ESR1: variants seen among roughly 807,000 people sequenced by gnomAD.
ESR1 encodes the protein estrogen receptor.
In ESR1, 12 loss-of-function variants were observed where a neutral mutation model predicts 52.7. The ratio of observed to expected loss-of-function variants is 0.23; its 90% CI spans 0.15 to 0.37. The LOEUF (loss-of-function observed/expected upper bound fraction) is 0.37, where lower values mean the gene tolerates loss of function less well. ESR1 is among the 10% of genes least tolerant of loss of function. The probability of loss-of-function intolerance (pLI) is 1.00; values close to 1 mark genes in which losing one functional copy is unlikely to be tolerated. For missense variants in ESR1, 584 were observed against 779.7 expected (o/e 0.75, Z 2.99); for synonymous variants, 305 against 316.8 (o/e 0.96, Z 0.39).
intron 1 of ESR1, among the ~76,000 whole-genome samples, chr6:151,840,415 T>C (rs770716397): frequency 9.2e-5 from 14 of 152,150 alleles, no homozygotes; most frequent in South Asian, 2.1e-4. Flanking sequence ...CATTAAAAAA[T>C]AAAGAATTCC....
At position 152,101,405 on chromosome 6, in the gene ESR1, A is replaced by G. The variant is rs141326420; in HGVS notation, c.*2439A>G. The G allele has an allele frequency of 1.3e-5, 3 of 233,076 alleles. No homozygotes were observed. The highest frequency in any genetic ancestry group is 2.5e-5 in the Non-Finnish European group (3 of 117,728). 14.4% of individuals were successfully genotyped at this position (233,076 alleles called of 1,614,324 possible). The stretch of plus-strand genomic sequence containing the variant: ...AAAAAAAAATTTCTAGGACTAGACG[A>G]TGTAATACCAGCTAAAGCCAAACAA... On this transcript the variant is annotated 3_prime_UTR_variant, in exon 8 of 8. Transcript: ENST00000206249.
intron 1 of ESR1, among the ~76,000 whole-genome samples, chr6:151,815,831 TCTC>T (rs1371755989): frequency 6.6e-6 from 1 of 152,208 alleles, no homozygotes; most frequent in African/African-American, 2.4e-5. Flanking sequence ...AAGGCTCACT[TCTC>T]CTTGCAGCCC....
In ESR1 at chr6:151,837,164, G is replaced by A. The variant is rs961617006; in HGVS notation, c.453-5433G>A. Among the ~76,000 whole-genome samples, 24 of 139,004 alleles carry A rather than the reference G, an allele frequency of 1.7e-4. 1 individual carries two copies. The highest frequency in any genetic ancestry group is 9.1e-4 in the Admixed American group (12 of 13,126). 91.2% of individuals were successfully genotyped at this position (139,004 alleles called of 152,430 possible). On this transcript the variant is annotated intron_variant, in intron 1 of 7. Transcript: ENST00000206249. ...CACCCAGGCTGGAGTGCACTGGCAC[G>A]ATCTAGGCTCACTGCAACCTCTGCC... is the stretch of plus-strand genomic sequence containing the variant.
intron 4 of ESR1, among the ~76,000 whole-genome samples, chr6:151,952,803 G>A (rs1000329623): frequency 4.6e-5 from 7 of 152,142 alleles, no homozygotes; most frequent in African/African-American, 1.4e-4. Flanking sequence ...AGAAGACTTT[G>A]CAAATGAGAA....
intron 2 of ESR1, among the ~76,000 whole-genome samples, chr6:151,796,907 C>A (rs1364974936): frequency 1.3e-5 from 2 of 152,214 alleles, no homozygotes; most frequent in African/African-American, 2.4e-5. Flanking sequence ...AGAGGCCGAG[C>A]CAATCTAGTT....
upstream of ESR1, among the ~76,000 whole-genome samples, chr6:151,686,502 G>C (rs549808753): frequency 1.3e-5 from 2 of 152,270 alleles, no homozygotes; most frequent in Non-Finnish European, 2.9e-5. Context: ...CGGCTAACAT[G>C]GTGAAACCCC....
chr6:151,669,394 G>A (rs1777970635), intron 1 of ESR1, among the ~76,000 whole-genome samples: 1 of 151,978 alleles, frequency 6.6e-6, no homozygotes, highest in Non-Finnish European at 1.5e-5. Flanking sequence ...GGAAGGTGGA[G>A]GAGTAAAGGA....
chr6:152,112,036 A>C (rs1397628101), intron 6 of ESR1, among the ~76,000 whole-genome samples: 1 of 152,258 alleles, frequency 6.6e-6, no homozygotes, highest in Non-Finnish European at 1.5e-5. Context: ...AAAGAAAAAC[A>C]TTAAGTGGGT....
intron 5 of ESR1, among the ~76,000 whole-genome samples, chr6:152,031,451 G>C (rs1049291868): frequency 2.4e-4 from 36 of 152,082 alleles, no homozygotes; most frequent in African/African-American, 8.5e-4. Flanking sequence ...AAATGATAAA[G>C]GGGATATCAC....
intron 6 of ESR1, among the ~76,000 whole-genome samples, chr6:152,089,466 T>C (rs1283262631): frequency 6.6e-6 from 1 of 152,250 alleles, no homozygotes; most frequent in East Asian, 1.9e-4. Context: ...TTGCATAAAG[T>C]GAATAAGCTA....
At chr6:151,897,090 G>A (rs574219402) in intron 3 of ESR1, among the ~76,000 whole-genome samples, 1 of 152,116 alleles carries the variant, frequency 6.6e-6, no homozygotes, top group African/African-American at 2.4e-5. Flanking sequence ...ACACTTGTTT[G>A]TGGCATATCA....
intron 2 of ESR1, among the ~76,000 whole-genome samples, chr6:151,772,294 C>T (rs539542479): frequency 6.6e-6 from 1 of 152,288 alleles, no homozygotes. Context: ...AAGAGTGGCC[C>T]TTCCAACATA....
intron 5 of ESR1, among the ~76,000 whole-genome samples, chr6:152,035,048 T>A (rs1292179422): frequency 2.6e-5 from 4 of 152,218 alleles, no homozygotes; most frequent in Non-Finnish European, 4.4e-5. Context: ...GCCTGTGAGA[T>A]TACATGCCCT....
intron 2 of ESR1, among the ~76,000 whole-genome samples, chr6:151,788,914 G>T (rs1787266183): frequency 6.6e-6 from 1 of 152,148 alleles, no homozygotes; most frequent in Non-Finnish European, 1.5e-5. Flanking sequence ...AGAATTCATG[G>T]ACACATAGAG....
chr6:151,669,525 G>A (rs142707130), intron 1 of ESR1, among the ~76,000 whole-genome samples: 179 of 152,258 alleles, frequency 1.2e-3, no homozygotes, highest in African/African-American at 4.2e-3. Context: ...TATCAAGTCC[G>A]AACCAAGGGT....
At chr6:151,964,930 C>T (rs1481074912) in intron 4 of ESR1, among the ~76,000 whole-genome samples, 2 of 152,202 alleles carry the variant, frequency 1.3e-5, no homozygotes, top group African/African-American at 4.8e-5. Context: ...GCATGAGCCA[C>T]CGCGCCCGGC....
intron 6 of ESR1, among the ~76,000 whole-genome samples, chr6:152,085,310 A>T (rs962549724): frequency 6.7e-6 from 1 of 149,322 alleles, no homozygotes; most frequent in Non-Finnish European, 1.5e-5. Flanking sequence ...CTCTCTTTCT[A>T]AAAAAACAAA....
At chr6:151,699,896 G>A (rs112893959) in intron 1 of ESR1, among the ~76,000 whole-genome samples, 14 of 152,098 alleles carry the variant, frequency 9.2e-5, no homozygotes, top group African/African-American at 2.9e-4. Context: ...CAGTGGAGAC[G>A]GCCAAACCAG....
At chr6:151,829,740 CAT>C (rs1782082093) in intron 1 of ESR1, among the ~76,000 whole-genome samples, 1 of 152,182 alleles carries the variant, frequency 6.6e-6, no homozygotes, top group Non-Finnish European at 1.5e-5. Flanking sequence ...ATGTAGCAAA[CAT>C]AGTTGTAATT....
Sources: allele counts gnomAD v4.1 joint callset (sites outside exome capture counted in the v4.1 genomes callset), GRCh38; gene constraint gnomAD v4.1.1; transcripts MANE v1.5; gene names NCBI Gene and HGNC (gene_info 2026-07-23, HGNC 2026-07-21).